Variants in ATN1 observed in about 807,000 individuals in gnomAD.
The protein encoded by ATN1 is atrophin-1.
Under a neutral mutation model 85.8 loss-of-function variants are expected in ATN1, and 19 were observed. That is an observed-to-expected ratio of 0.22 (90% confidence interval 0.15 to 0.32). ATN1 has a LOEUF of 0.32. Among genes scored for constraint, ATN1 ranks in the 10% least tolerant of loss-of-function variants. ATN1 has a pLI of 1.00. For synonymous variants in ATN1, 674 were observed against 657.0 expected, an observed-to-expected ratio of 1.03 and a Z score of -0.39; for missense variants, 1,453 against 1,564.5, an observed-to-expected ratio of 0.93 and a Z score of 1.20.
chr12:6,928,575 G>A (rs1269357998), intron 1 of ATN1, among the ~76,000 whole-genome samples, 191 bp downstream of exon 1: 2 of 152,190 alleles, frequency 1.3e-5, no homozygotes, highest in Non-Finnish European at 2.9e-5. Context: ...CAGGGGGTGG[G>A]GCCCGCCGAG....
chr12:6,938,489 T>G lies in ATN1; in HGVS notation c.2526T>G (p.Ala842=), dbSNP rs782313025. ...TTCCCTGTATCCCACAGAAGTTGGC[T>G]CAGGAGGGCCGTGCTCCGGTGGAAT... is the stretch of plus-strand genomic sequence containing the variant. ...ERELERSVKL[A]QEGRAPVECP... Residue 842 remains alanine, a synonymous_variant, in exon 7 of 10, where the codon GCT becomes GCG. Transcript: ENST00000396684. 1.9e-6 allele frequency: 3 copies of G among 1,603,876 alleles called. No individual in the cohort carries two copies. The highest frequency in any genetic ancestry group is 2.6e-6 in the Non-Finnish European group (3 of 1,172,070).
At chr12:6,925,314 T>C (rs1945389605), upstream of ATN1, among the ~76,000 whole-genome samples, 1 of 151,940 alleles carries the variant, frequency 6.6e-6, no homozygotes, top group Non-Finnish European at 1.5e-5. Flanking sequence ...CCTTAGTGAT[T>C]AAAAAACAAG....
chr12:6,929,184 A>G (rs1157483722), intron 1 of ATN1, among the ~76,000 whole-genome samples: 1 of 152,108 alleles, frequency 6.6e-6, no homozygotes, highest in African/African-American at 2.4e-5. Flanking sequence ...GGGAGTTGGG[A>G]AGAAAGGGGT....
Position 6,938,823 on chromosome 12 carries a change from C to A in ATN1, c.2860C>A (p.Pro954Thr). The A allele has an allele frequency of 1.2e-6, 2 of 1,614,174 alleles. No homozygotes were observed. Among genetic ancestry groups the A allele is most frequent in the Non-Finnish European group, 1.7e-6 (2 of 1,180,030 alleles). The change falls in exon 7 of 10, where the codon CCT (proline) becomes ACT (threonine). Residue 954 changes from proline (P) to threonine (T), a missense_variant. Pro to Thr is a conservative substitution (Grantham distance 38). Coordinates refer to ENST00000396684, the MANE Select transcript of ATN1 (RefSeq NM_001940.4). ...DRLKPGFEVK[P>T]SELEPLHGVP... ...CCTCAAGCCTGGCTTTGAGGTGAAGCCTAGTGAGCTGGAACCCCTACATGG... is the reference window on the plus strand; with the variant it reads ...CCTCAAGCCTGGCTTTGAGGTGAAGACTAGTGAGCTGGAACCCCTACATGG...
At chr12:6,930,874 G>C (rs782156031) in intron 1 of ATN1, among the ~76,000 whole-genome samples, 1 of 152,294 alleles carries the variant, frequency 6.6e-6, no homozygotes, top group South Asian at 2.1e-4. Flanking sequence ...TATGTGGCCA[G>C]ATACAGAGTA....
upstream of ATN1, among the ~76,000 whole-genome samples, chr12:6,926,536 G>A (rs1200059784): frequency 6.6e-6 from 1 of 151,126 alleles, no homozygotes; most frequent in Non-Finnish European, 1.5e-5. Context: ...GTGCAGTGGC[G>A]CGATCTCTGC....
chr12:6,927,564 A>C (rs2138198015), upstream of ATN1, among the ~76,000 whole-genome samples: 1 of 133,566 alleles, frequency 7.5e-6, no homozygotes, highest in African/African-American at 2.9e-5. Context: ...GGCTCCCCAC[A>C]TTCCGCCACG....
At position 6,938,890 on chromosome 12, in the gene ATN1, G is replaced by GC; in HGVS notation, c.2929dup (p.Leu977ProfsTer38). ...TTGGATCCCTTTCCCCGACATGGGGGCCTGGCTCTGCAGCCTGGCCCACCT... is the reference window on the plus strand; with the variant it reads ...TTGGATCCCTTTCCCCGACATGGGGGCCCTGGCTCTGCAGCCTGGCCCACCT... On this transcript the variant is annotated frameshift_variant, in exon 7 of 10. Coordinates refer to ENST00000396684, the MANE Select transcript of ATN1 (RefSeq NM_001940.4). LOFTEE classifies it high-confidence loss of function. 6.2e-7 allele frequency: 1 copy of GC among 1,614,104 alleles called. No homozygotes were observed. Among genetic ancestry groups the GC allele is most frequent in the Non-Finnish European group, 8.5e-7 (1 of 1,180,014 alleles).
rs141006210 is a variant in ATN1, at chr12:6,938,679, G to A, written c.2716G>A (p.Val906Met). Residue 906 changes from valine to methionine, a missense_variant, in exon 7 of 10, where the codon GTG (valine) becomes ATG (methionine). By Grantham distance (21) the Val-to-Met change is conservative. Around this residue, in one of 6 missense-constraint regions of ATN1, gnomAD observed 208 missense variants for 263.4 expected, o/e 0.79. Transcript: ENST00000396684. ...SPGNRNHPFY[V>M]PLGAVDPGLL... ...TGGCAATCGCAACCATCCATTCTAC[G>A]TGCCCCTGGGGGCAGTGGACCCGGG... 290 of 1,614,130 alleles carry A rather than the reference G, an allele frequency of 1.8e-4. 1 individual carries two copies. The East Asian group carries it at 5.9e-3, about 33-fold the overall frequency.
At position 6,940,904 on chromosome 12, in the gene ATN1, T is replaced by C. The variant is rs146284593; in HGVS notation, c.3239T>C (p.Ile1080Thr). Residue 1080 changes from isoleucine to threonine, a missense_variant, in exon 8 of 10, where the codon ATT (isoleucine) becomes ACT (threonine). Physicochemically the swap from Ile to Thr is moderately conservative, Grantham distance 89 (BLOSUM62 -1). Transcript: ENST00000396684. ...GCCTCTGCCTCGGTGCACCCTCTCA[T>C]TGACCCCCTGGCCTCAGGGTCTCAC... is the stretch of plus-strand genomic sequence containing the variant. ...HAASASVHPL[I>T]DPLASGSHLT... The C allele has an allele frequency of 1.9e-6, 3 of 1,614,190 alleles. No individual in the cohort carries two copies. Among genetic ancestry groups the C allele is most frequent in the East Asian group, 4.5e-5 (2 of 44,882 alleles).
At chr12:6,927,911 T>C (rs1469512670), upstream of ATN1, among the ~76,000 whole-genome samples, 2 of 149,428 alleles carry the variant, frequency 1.3e-5, no homozygotes, top group East Asian at 2.0e-4. Context: ...GGGGAGGGGC[T>C]AGGAGGGGGG....
intron 7 of ATN1, 130 bp downstream of exon 7, chr12:6,939,307 C>A: frequency 7.5e-7 from 1 of 1,330,162 alleles, no homozygotes; most frequent in Non-Finnish European, 1.0e-6. Flanking sequence ...GATTGCTGCC[C>A]TGAACTTTGC....
At position 6,935,361 on chromosome 12, in the gene ATN1, G is replaced by T. The variant is rs1555143423; in HGVS notation, c.280-186G>T. Among the ~76,000 whole-genome samples, 2 of 152,108 alleles carry T rather than the reference G, an allele frequency of 1.3e-5. No individual in the cohort carries two copies. The highest frequency in any genetic ancestry group is 2.9e-5 in the Non-Finnish European group (2 of 68,032). On this transcript the variant is annotated intron_variant, in intron 4 of 9. Transcript: ENST00000396684. The surrounding 1 kb of genome is among the most constrained non-coding windows in gnomAD (Gnocchi z 5.3). ...GCGGGAAACAAGACTGGCTGCTAGG[G>T]AGCAGCCAAGAATGTGAGGAAAGTG...
chr12:6,931,572 G>T (rs1300458200), intron 1 of ATN1, among the ~76,000 whole-genome samples: 1 of 151,718 alleles, frequency 6.6e-6, no homozygotes, highest in Non-Finnish European at 1.5e-5. Flanking sequence ...AAATTAGCCA[G>T]GTGTGGTGGT....
Position 6,936,111 on chromosome 12 carries a change from G to A in ATN1, c.844G>A (p.Gly282Ser), listed in dbSNP as rs1945528976. Reference protein sequence around the residue: ...PTKPPTTPVGGGNLPSAPPPA... With the variant: ...PTKPPTTPVGSGNLPSAPPPA... ...AAAGCCGCCTACCACTCCAGTGGGT[G>A]GTGGGAACCTACCTTCTGCTCCACC... The change falls in exon 5 of 10, where the codon GGT becomes AGT. Residue 282 changes from glycine to serine, a missense_variant. Transcript: ENST00000396684. The A allele has an allele frequency of 6.5e-7, 1 of 1,527,988 alleles. No individual in the cohort carries two copies. 94.7% of individuals were successfully genotyped at this position (1,527,988 alleles called of 1,614,324 possible).
rs1373997480 is a variant in ATN1, at chr12:6,937,815, C to T, written c.2295-30C>T. 2.6e-6 allele frequency: 4 copies of T among 1,527,366 alleles called. No individual in the cohort carries two copies. Among genetic ancestry groups the T allele is most frequent in the Admixed American group, 4.3e-5 (2 of 46,848 alleles). 94.6% of individuals were successfully genotyped at this position (1,527,366 alleles called of 1,614,324 possible). A position where few individuals can be genotyped will look rare whatever the true frequency, so the allele number is the denominator to read the frequency against. On this transcript the variant is annotated intron_variant, in intron 5 of 9. Coordinates refer to ENST00000396684, the MANE Select transcript of ATN1 (RefSeq NM_001940.4). The surrounding 1 kb of genome is among the most constrained non-coding windows in gnomAD (Gnocchi z 6.0). ...GGCTCCATCGGGCAGCTCGCACCGCCTGAGCGCCCGCTGCTTCCACGCCCG... is the reference window on the plus strand; with the variant it reads ...GGCTCCATCGGGCAGCTCGCACCGCTTGAGCGCCCGCTGCTTCCACGCCCG...
At position 6,936,348 on chromosome 12, in the gene ATN1, C is replaced by T. The variant is rs1945532572; in HGVS notation, c.1081C>T (p.Pro361Ser). Reference sequence around the variant, plus strand: ...GGCTCCTTCACCCCACTCTCTGCCTCCTGCTTCCTCTTCTGCTCCAGCGCC... The same window carrying T: ...GGCTCCTTCACCCCACTCTCTGCCTTCTGCTTCCTCTTCTGCTCCAGCGCC... ...TLAPSPHSLP[P>S]ASSSAPAPPM... The change falls in exon 5 of 10, where the codon CCT (proline) becomes TCT (serine). Residue 361 changes from proline to serine, a missense_variant. This residue lies in a region of ATN1 where 990 missense variants were observed against 914.8 expected (regional missense o/e 1.08). Coordinates refer to ENST00000396684, the MANE Select transcript of ATN1 (RefSeq NM_001940.4). The T allele has an allele frequency of 3.7e-6, 6 of 1,613,874 alleles. No homozygotes were observed. The highest frequency in any genetic ancestry group is 5.1e-6 in the Non-Finnish European group (6 of 1,179,954).
At position 6,937,473 on chromosome 12, in the gene ATN1, A is replaced by G; in HGVS notation, c.2206A>G (p.Thr736Ala). 1 of 1,544,172 alleles carries G rather than the reference A, an allele frequency of 6.5e-7. No homozygotes were observed. The highest frequency in any genetic ancestry group is 8.7e-7 in the Non-Finnish European group (1 of 1,146,632). ...IKQEPAEEYE[T>A]PESPVPPARS... ...ACAGGAGCCGGCTGAGGAGTATGAG[A>G]CCCCCGAGAGCCCGGTGCCCCCAGC... The change falls in exon 5 of 10, where the codon ACC (threonine) becomes GCC (alanine). Residue 736 changes from threonine to alanine, a missense_variant. Around this residue, in one of 6 missense-constraint regions of ATN1, gnomAD observed 990 missense variants for 914.8 expected, o/e 1.08. Coordinates refer to ENST00000396684, the MANE Select transcript of ATN1 (RefSeq NM_001940.4). This position sits in a 1 kb window ranked among gnomAD's most constrained non-coding sequence, Gnocchi z 6.0.
At position 6,933,845 on chromosome 12, in the gene ATN1, A is replaced by G. The variant is rs1260553922; in HGVS notation, c.-157A>G. ...TGATGGTTTCCTTCTAACAGGTTTC[A>G]TTGAAAACAGATCCTGCAAAAGTTC... On this transcript the variant is annotated 5_prime_UTR_variant, in exon 2 of 10. Transcript: ENST00000396684. 8.8e-6 allele frequency: 7 copies of G among 797,742 alleles called. No homozygotes were observed. Among genetic ancestry groups the G allele is most frequent in the Non-Finnish European group, 1.4e-5 (7 of 490,580 alleles). The allele number at this position is 797,742 out of a possible 1,614,324, so 49.4% of individuals were successfully genotyped here.
Sources: allele counts gnomAD v4.1 joint callset (sites outside exome capture counted in the v4.1 genomes callset), GRCh38; gene constraint gnomAD v4.1.1; regional missense constraint gnomAD v4.1.1; non-coding constraint Gnocchi (gnomAD v3.1); transcripts MANE v1.5; gene names NCBI Gene and HGNC (gene_info 2026-07-23, HGNC 2026-07-21).